Variants in EFCAB11 observed in about 807,000 individuals in gnomAD.
EFCAB11 encodes the protein EF-hand calcium binding domain 11.
In EFCAB11, 14 loss-of-function variants were observed where a neutral mutation model predicts 23.0. The observed-to-expected ratio is 0.61, with a 90% CI of 0.40 to 0.95. EFCAB11 has a LOEUF of 0.95. EFCAB11 is among the 40% of genes least tolerant of loss of function. EFCAB11 has a pLI of 0.00. For missense variants in EFCAB11, 198 were observed against 195.8 expected (o/e 1.01, Z -0.07); for synonymous variants, 65 against 66.6 (o/e 0.98, Z 0.11).
chr14:89,924,003 T>A, intron 5 of EFCAB11: 1 of 972,482 alleles, frequency 1.0e-6, no homozygotes, highest in East Asian at 1.2e-4. Flanking sequence ...CTATTTGTTT[T>A]ACCCAAGCTG....
Position 89,952,104 on chromosome 14 carries a change from A to C in EFCAB11, c.171+1802T>G, listed in dbSNP as rs1405821444. On this transcript the variant is annotated intron_variant, in intron 2 of 5. Coordinates refer to ENST00000316738, the MANE Select transcript of EFCAB11 (RefSeq NM_145231.4). ...TAAAAAAATCTGTTGAATTTCACAG[A>C]AATTAAGTGTCACCTGCATAATAAA... Among the ~76,000 whole-genome samples, 9 of 152,254 alleles carry C rather than the reference A, an allele frequency of 5.9e-5. No individual in the cohort carries two copies. In the East Asian group the frequency reaches 1.5e-3, roughly 26 times the overall value.
intron 3 of EFCAB11, among the ~76,000 whole-genome samples, chr14:89,944,195 T>C (rs1190326597): frequency 2.0e-5 from 3 of 152,208 alleles, no homozygotes; most frequent in Admixed American, 1.3e-4. Context: ...CCCACGATCA[T>C]AGCGGAAGGC....
intron 5 of EFCAB11, among the ~76,000 whole-genome samples, chr14:89,912,456 G>C (rs1889710172): frequency 6.6e-6 from 1 of 152,066 alleles, no homozygotes; most frequent in Non-Finnish European, 1.5e-5. Flanking sequence ...GGACCCTCAG[G>C]ATCTGAAGTT....
intron 3 of EFCAB11, among the ~76,000 whole-genome samples, chr14:89,938,549 T>C (rs1371763868): frequency 6.6e-6 from 1 of 152,144 alleles, no homozygotes; most frequent in East Asian, 1.9e-4. Context: ...ACTATGGATG[T>C]GTAGGGAAAT....
At chr14:89,892,467 G>C (rs1889003044) in intron 5 of EFCAB11, 1 of 1,521,812 alleles carries the variant, frequency 6.6e-7, no homozygotes, top group African/African-American at 1.4e-5. Flanking sequence ...AAGGGTTAAA[G>C]CAGTCCCAGC....
At chr14:89,825,967 C>G (rs911221570) in intron 5 of EFCAB11, among the ~76,000 whole-genome samples, 7 of 152,032 alleles carry the variant, frequency 4.6e-5, no homozygotes, top group East Asian at 3.8e-4. Flanking sequence ...TCTACTATGC[C>G]ATAGGTATTG....
chr14:89,928,203 A>T (rs548352457), intron 5 of EFCAB11, among the ~76,000 whole-genome samples: 19 of 152,324 alleles, frequency 1.2e-4, no homozygotes, highest in African/African-American at 4.6e-4. Context: ...ATACTCCACA[A>T]CATGAATATA....
rs78829509 is a variant in EFCAB11, at chr14:89,843,689, T to G, written c.411-46365A>C. Among the ~76,000 whole-genome samples, 1,336 of 152,362 alleles carry G rather than the reference T, an allele frequency of 8.8e-3. 23 individuals are homozygous for G. Among genetic ancestry groups the G allele is most frequent in the African/African-American group, 0.03 (1,252 of 41,584 alleles). ...TTACGTTAACATATATTGGGGCATCTTATACTTGCAATGGATCTTTTATCC... is the reference window on the plus strand; with the variant it reads ...TTACGTTAACATATATTGGGGCATCGTATACTTGCAATGGATCTTTTATCC... On this transcript the variant is annotated intron_variant, in intron 5 of 5. Coordinates refer to ENST00000316738, the MANE Select transcript of EFCAB11 (RefSeq NM_145231.4).
In EFCAB11 at chr14:89,954,640, T is replaced by C; in HGVS notation, c.21A>G (p.Arg7=). 6.2e-7 allele frequency: 1 copy of C among 1,613,094 alleles called. No individual in the cohort carries two copies. The highest frequency in any genetic ancestry group is 8.5e-7 in the Non-Finnish European group (1 of 1,179,890). Residue 7 remains arginine (R), a synonymous_variant, in exon 1 of 6, where the codon AGA becomes AGG. Coordinates refer to ENST00000316738, the MANE Select transcript of EFCAB11 (RefSeq NM_145231.4). ...TGGCTTCCCACGTCCGCGACCTGGC[T>C]CTGGCCTCGGAGAAGAACATCGCGA... The part of the protein sequence containing the change: MFFSEA[R]ARSRTWEASP...
intron 5 of EFCAB11, among the ~76,000 whole-genome samples, chr14:89,854,362 G>C (rs1307737786): frequency 6.6e-6 from 1 of 152,106 alleles, no homozygotes; most frequent in East Asian, 1.9e-4. Flanking sequence ...CAATGTGGTA[G>C]CTCCTCTCCA....
At chr14:89,918,369 T>C (rs977557033) in intron 5 of EFCAB11, among the ~76,000 whole-genome samples, 7 of 151,762 alleles carry the variant, frequency 4.6e-5, no homozygotes, top group African/African-American at 1.7e-4. Flanking sequence ...TGAAACCCCA[T>C]CTCTACTAAA....
intron 1 of EFCAB11, chr14:89,954,292 G>A (rs544329898): frequency 6.7e-7 from 1 of 1,487,340 alleles, no homozygotes; most frequent in East Asian, 2.5e-5. Flanking sequence ...CAGTCCTGGA[G>A]TTAGGAAGGT....
At chr14:89,937,294 A>G (rs1222726237) in intron 3 of EFCAB11, among the ~76,000 whole-genome samples, 2 of 152,166 alleles carry the variant, frequency 1.3e-5, no homozygotes, top group Non-Finnish European at 2.9e-5. Flanking sequence ...TGAAGGAAGA[A>G]CTATTTGGTT....
In EFCAB11 at chr14:89,940,096, C is replaced by T. The variant is rs563909012; in HGVS notation, c.218-7469G>A. ...CAGTGTCTGTGTCTCCTAATTCTTC[C>T]CCATCTGTATAGTGAAACATATTCA... On this transcript the variant is annotated intron_variant, in intron 3 of 5. Transcript: ENST00000316738. Among the ~76,000 whole-genome samples the T allele has an allele frequency of 2.0e-4, 30 of 152,208 alleles. No homozygotes were observed. The East Asian group carries it at 5.0e-3, about 25-fold the overall frequency.
chr14:89,883,006 T>C (rs1227796103), intron 5 of EFCAB11, among the ~76,000 whole-genome samples: 1 of 152,160 alleles, frequency 6.6e-6, no homozygotes, highest in Non-Finnish European at 1.5e-5. Flanking sequence ...CTCTTTCTTT[T>C]GCTTCCTCTC....
intron 5 of EFCAB11, among the ~76,000 whole-genome samples, chr14:89,883,624 T>A (rs1470157880): frequency 6.6e-6 from 1 of 152,078 alleles, no homozygotes; most frequent in Non-Finnish European, 1.5e-5. Context: ...TAGATGTAAC[T>A]TAAAAAAAAT....
At chr14:89,896,374 A>G (rs1321090694) in intron 5 of EFCAB11, among the ~76,000 whole-genome samples, 1 of 151,638 alleles carries the variant, frequency 6.6e-6, no homozygotes. Flanking sequence ...TGGGTGGCAG[A>G]GCGAGACTCT....
chr14:89,817,596 A>G (rs1429733024), intron 5 of EFCAB11, among the ~76,000 whole-genome samples: 8 of 152,212 alleles, frequency 5.3e-5, no homozygotes. Context: ...GTAAAGAAAA[A>G]TTTAACATAC....
intron 5 of EFCAB11, among the ~76,000 whole-genome samples, chr14:89,821,747 A>G (rs1288035026): frequency 2.0e-5 from 3 of 152,050 alleles, no homozygotes; most frequent in African/African-American, 7.3e-5. Context: ...AACCTAACCT[A>G]TTTCACACCA....
Sources: gnomAD v4.1 joint callset for allele counts (sites outside exome capture counted in the v4.1 genomes callset) on GRCh38, gnomAD v4.1.1 for gene constraint, MANE v1.5 for transcripts, NCBI Gene and HGNC (gene_info 2026-07-23, HGNC 2026-07-21) for gene names.